Variants in GAREM1 observed in about 807,000 individuals in gnomAD.
The protein encoded by GAREM1 is GRB2 associated regulator of MAPK1 subtype 1.
GAREM1 carries 26 observed loss-of-function variants against 71.3 expected under a neutral mutation model. That is an observed-to-expected ratio of 0.36 (90% CI 0.27 to 0.51). The LOEUF (loss-of-function observed/expected upper bound fraction) is 0.51, where lower values mean the gene tolerates loss of function less well. Among genes scored for constraint, GAREM1 ranks in the 20% least tolerant of loss-of-function variants. GAREM1 has a pLI of 0.95. For missense variants in GAREM1, 1,026 were observed against 1,103.1 expected (o/e 0.93, Z 0.99); for synonymous variants, 440 against 433.2 (o/e 1.02, Z -0.20).
rs183043895 is a variant in GAREM1, at chr18:32,277,167, G to T, written c.1567-6784C>A. 3.4e-3 allele frequency among the ~76,000 whole-genome samples: 516 copies of T among 152,278 alleles called. 4 individuals are homozygous for T. Among genetic ancestry groups the T allele is most frequent in the African/African-American group, 0.012 (497 of 41,532 alleles). On this transcript the variant is annotated intron_variant, in intron 4 of 5. Coordinates refer to ENST00000269209, the MANE Select transcript of GAREM1 (RefSeq NM_001242409.2). ...TAGACAGGAGGTAAGAGTGGTGTTC[G>T]TGAGGGCAGATCACTCTTCTCAGGA...
intron 2 of GAREM1, among the ~76,000 whole-genome samples, chr18:32,330,830 T>C (rs1298534780): frequency 1.3e-5 from 2 of 152,018 alleles, no homozygotes; most frequent in East Asian, 3.9e-4. Context: ...AAACAGAAGG[T>C]GAGAAAAGGG....
Position 32,364,028 on chromosome 18 carries a change from GTTTTTTTTT to G in GAREM1, c.262+28858_262+28866del, listed in dbSNP as rs1157200391. On this transcript the variant is annotated intron_variant, in intron 2 of 5. Transcript: ENST00000269209. ...TATATATATATATATATATATATATGTTTTTTTTTTTTTTTTTTTTTTGTGAGACACAGC... is the reference window on the plus strand; with the variant it reads ...TATATATATATATATATATATATATGTTTTTTTTTTTTTGTGAGACACAGC... Among the ~76,000 whole-genome samples, 13 of 21,672 alleles carry G rather than the reference GTTTTTTTTT, an allele frequency of 6.0e-4. 2 individuals are homozygous for G. The highest frequency in any genetic ancestry group is 2.1e-3 in the African/African-American group (12 of 5,620). 14.2% of individuals were successfully genotyped at this position (21,672 alleles called of 152,430 possible).
intron 3 of GAREM1, among the ~76,000 whole-genome samples, chr18:32,300,025 G>A (rs2047184042): frequency 6.6e-6 from 1 of 152,134 alleles, no homozygotes; most frequent in Non-Finnish European, 1.5e-5. Flanking sequence ...TTATAAAACA[G>A]GAGACAGTGA....
At chr18:32,400,935 CAAT>C (rs199877210) in intron 1 of GAREM1, among the ~76,000 whole-genome samples, 20,195 of 151,952 alleles carry the variant, frequency 0.13, 1,521 homozygotes, top group African/African-American at 0.21. Context: ...AAATGTCCAA[CAAT>C]GATAGACAGG....
intron 2 of GAREM1, among the ~76,000 whole-genome samples, chr18:32,387,127 C>A (rs943895895): frequency 6.6e-6 from 1 of 151,084 alleles, no homozygotes; most frequent in Non-Finnish European, 1.5e-5. Context: ...CTTTAGGTAA[C>A]CAACTGGGGA....
At chr18:32,294,442 A>C (rs917195802) in intron 3 of GAREM1, among the ~76,000 whole-genome samples, 1 of 152,310 alleles carries the variant, frequency 6.6e-6, no homozygotes, top group South Asian at 2.1e-4. Context: ...TAAAAATGAA[A>C]GGTTGAAAAA....
At chr18:32,459,662 G>A (rs748540092) in intron 1 of GAREM1, among the ~76,000 whole-genome samples, 36 of 152,046 alleles carry the variant, frequency 2.4e-4, no homozygotes, top group Non-Finnish European at 4.0e-4. Context: ...AGCGGTCAAA[G>A]GTAAAAAATG....
chr18:32,344,872 C>T (rs1302910685), intron 2 of GAREM1, among the ~76,000 whole-genome samples: 2 of 151,896 alleles, frequency 1.3e-5, no homozygotes. Flanking sequence ...CCAGCCTGGC[C>T]AATATGGTGA....
At chr18:32,338,507 T>C (rs1407058313) in intron 2 of GAREM1, among the ~76,000 whole-genome samples, 2 of 152,220 alleles carry the variant, frequency 1.3e-5, no homozygotes, top group Non-Finnish European at 2.9e-5. Flanking sequence ...GTTGAGTGTA[T>C]GAGTTTTTAG....
chr18:32,275,097 A>C (rs537266074), intron 4 of GAREM1, among the ~76,000 whole-genome samples: 93 of 152,108 alleles, frequency 6.1e-4, no homozygotes, highest in Non-Finnish European at 9.0e-4. Flanking sequence ...TAGGGGAAAA[A>C]AAGGCACCAG....
chr18:32,368,684 C>G (rs746574017), intron 2 of GAREM1, among the ~76,000 whole-genome samples: 1 of 152,222 alleles, frequency 6.6e-6, no homozygotes, highest in African/African-American at 2.4e-5. Context: ...TGAAATGCAT[C>G]TATAGAGACC....
At chr18:32,417,845 T>C (rs546397285) in intron 1 of GAREM1, among the ~76,000 whole-genome samples, 3 of 152,302 alleles carry the variant, frequency 2.0e-5, no homozygotes, top group East Asian at 1.9e-4. Context: ...ATATTAATAA[T>C]TTAATTGTAC....
chr18:32,292,384 T>C (rs1411968864), intron 3 of GAREM1, among the ~76,000 whole-genome samples: 1 of 152,118 alleles, frequency 6.6e-6, no homozygotes, highest in Non-Finnish European at 1.5e-5. Flanking sequence ...TGAATGCAAA[T>C]GGAAACAAAT....
At position 32,470,826 on chromosome 18, in the gene GAREM1, G is replaced by A. The variant is rs964830562; in HGVS notation, c.-398C>T. 1.0e-4 allele frequency among the ~76,000 whole-genome samples: 15 copies of A among 150,314 alleles called. No homozygotes were observed. Among genetic ancestry groups the A allele is most frequent in the Non-Finnish European group, 1.9e-4 (13 of 67,378 alleles). On this transcript the variant is annotated 5_prime_UTR_variant, in exon 1 of 6. The change creates a new upstream start codon in the 5' untranslated region. Coordinates refer to ENST00000269209, the MANE Select transcript of GAREM1 (RefSeq NM_001242409.2). This position sits in a 1 kb window ranked among gnomAD's most constrained non-coding sequence, Gnocchi z 4.4. ...ACCCCTCCTTCCCTCCGCCTCGAGC[G>A]TGTGAGGAGGAGCCGCGGGTCTGAG...
chr18:32,412,292 G>A, intron 1 of GAREM1: 1 of 1,589,526 alleles, frequency 6.3e-7, no homozygotes, highest in Non-Finnish European at 8.5e-7. Context: ...GTTTTGCAAA[G>A]TACTGGCCTC....
chr18:32,348,094 C>T (rs941926423), intron 2 of GAREM1, among the ~76,000 whole-genome samples: 22 of 152,190 alleles, frequency 1.4e-4, no homozygotes, highest in Admixed American at 1.2e-3. Flanking sequence ...TATAAAAAGC[C>T]GCAAGGGAAT....
chr18:32,326,475 C>G (rs2047476250), intron 2 of GAREM1, among the ~76,000 whole-genome samples: 1 of 152,208 alleles, frequency 6.6e-6, no homozygotes, highest in Non-Finnish European at 1.5e-5. Flanking sequence ...GCCCCCCACT[C>G]TTGCTAAGTC....
chr18:32,273,710 T>C (rs2041497889), intron 4 of GAREM1, among the ~76,000 whole-genome samples: 1 of 151,944 alleles, frequency 6.6e-6, no homozygotes, highest in Non-Finnish European at 1.5e-5. Flanking sequence ...CTAATGTGTG[T>C]GTGTGAGAGA....
At chr18:32,335,779 C>CT (rs1245564032) in intron 2 of GAREM1, among the ~76,000 whole-genome samples, 1 of 152,222 alleles carries the variant, frequency 6.6e-6, no homozygotes, top group Non-Finnish European at 1.5e-5. Context: ...ATAATACCTT[C>CT]TTTAGATGCA....
Sources: gnomAD v4.1 joint callset for allele counts (sites outside exome capture counted in the v4.1 genomes callset) on GRCh38, gnomAD v4.1.1 for gene constraint, Gnocchi (gnomAD v3.1) non-coding constraint, MANE v1.5 for transcripts, NCBI Gene and HGNC (gene_info 2026-07-23, HGNC 2026-07-21) for gene names.